The following PPP2R2C variants were observed in gnomAD, a reference collection of about 807,000 sequenced individuals.
The protein encoded by PPP2R2C is protein phosphatase 2 regulatory subunit Bgamma.
PPP2R2C carries 10 observed loss-of-function variants against 45.3 expected under a neutral mutation model. That is an observed-to-expected ratio of 0.22 (90% CI 0.14 to 0.37). The LOEUF is 0.37. Among genes scored for constraint, PPP2R2C ranks in the 10% least tolerant of loss-of-function variants. The pLI, the probability that PPP2R2C is intolerant of heterozygous loss-of-function variation, is 1.00. For missense variants in PPP2R2C, 308 were observed against 619.7 expected (o/e 0.50, Z 5.34); for synonymous variants, 257 against 245.4 (o/e 1.05, Z -0.44).
At chr4:6,457,525 C>T (rs1721108605) in intron 1 of PPP2R2C, among the ~76,000 whole-genome samples, 1 of 151,962 alleles carries the variant, frequency 6.6e-6, no homozygotes, top group South Asian at 2.1e-4. Flanking sequence ...GTACATGCCA[C>T]CATCCTTGGC....
intron 2 of PPP2R2C, among the ~76,000 whole-genome samples, chr4:6,525,322 T>C (rs1235482880): frequency 6.6e-6 from 1 of 152,110 alleles, no homozygotes; most frequent in Non-Finnish European, 1.5e-5. Context: ...GGAGAATCTC[T>C]TGAACCCAGG....
At chr4:6,427,326 T>C (rs1288789981) in intron 1 of PPP2R2C, among the ~76,000 whole-genome samples, 1 of 152,250 alleles carries the variant, frequency 6.6e-6, no homozygotes, top group Non-Finnish European at 1.5e-5. Flanking sequence ...TGGGAAATCC[T>C]GGCAGGACAG....
chr4:6,512,584 GTGATGGTGA>G (rs1723689448), intron 2 of PPP2R2C, among the ~76,000 whole-genome samples: 4 of 130,100 alleles, frequency 3.1e-5, no homozygotes, highest in Non-Finnish European at 4.9e-5. Flanking sequence ...GGTGATGGTG[GTGATGGTGA>G]TGGTGGTGGT....
intron 1 of PPP2R2C, among the ~76,000 whole-genome samples, chr4:6,431,386 C>A (rs960718048): frequency 6.6e-6 from 1 of 152,222 alleles, no homozygotes; most frequent in Non-Finnish European, 1.5e-5. Context: ...GCTCCCAGGA[C>A]AAAATCAGGG....
intron 1 of PPP2R2C, among the ~76,000 whole-genome samples, chr4:6,451,059 C>T (rs1006183868): frequency 5.9e-5 from 9 of 152,316 alleles, no homozygotes; most frequent in African/African-American, 9.6e-5. Flanking sequence ...CCCTCCTGGA[C>T]GTGCCACCAC....
intron 5 of PPP2R2C, among the ~76,000 whole-genome samples, chr4:6,363,574 A>G (rs1577109778): frequency 6.6e-6 from 1 of 151,886 alleles, no homozygotes; most frequent in East Asian, 1.9e-4. Context: ...GTGAGTCTCC[A>G]TCTCAAAAAA....
chr4:6,336,969 G>C (rs1560454347), intron 6 of PPP2R2C, among the ~76,000 whole-genome samples: 1 of 100,740 alleles, frequency 9.9e-6, no homozygotes, highest in Admixed American at 1.1e-4. Context: ...GAGGAGGATG[G>C]GTACGGTAGG....
At chr4:6,500,631 C>A (rs1424858810) in intron 2 of PPP2R2C, among the ~76,000 whole-genome samples, 1 of 152,228 alleles carries the variant, frequency 6.6e-6, no homozygotes, top group African/African-American at 2.4e-5. Context: ...AAAGAACCTG[C>A]TTTCATGGTT....
chr4:6,472,126 C>T (rs1335116188), intron 1 of PPP2R2C, 34 bp downstream of exon 1: 14 of 1,612,706 alleles, frequency 8.7e-6, no homozygotes, highest in African/African-American at 5.3e-5. Flanking sequence ...ACGCCGCGGC[C>T]GGCCGGAGGG....
At position 6,347,949 on chromosome 4, in the gene PPP2R2C, C is replaced by T; in HGVS notation, c.687G>A (p.Glu229=). The T allele has an allele frequency of 6.2e-7, 1 of 1,614,074 alleles. No individual in the cohort carries two copies. Among genetic ancestry groups the T allele is most frequent in the Non-Finnish European group, 8.5e-7 (1 of 1,180,008 alleles). Residue 229 remains glutamate (E), a synonymous_variant, in exon 6 of 9, where the codon GAG becomes GAA. Coordinates refer to ENST00000382599, the MANE Select transcript of PPP2R2C (RefSeq NM_020416.4). ...EDLTEVITAS[E]FHPHHCNLFV... ...AGAGGTTGCAGTGGTGCGGATGGAA[C>T]TCAGATGCTGTGATCACCTCCGTAA... is the stretch of plus-strand genomic sequence containing the variant.
In PPP2R2C at chr4:6,452,719, G is replaced by C. The variant is rs112830526; in HGVS notation, c.70+19441C>G. On this transcript the variant is annotated intron_variant, in intron 1 of 8. Coordinates refer to ENST00000382599, the MANE Select transcript of PPP2R2C (RefSeq NM_020416.4). The stretch of plus-strand genomic sequence containing the variant: ...GATGAGGGGGTCACCTGCTGAGCTG[G>C]TGCTATCCACAGGCTTATGTGGGGC... Among the ~76,000 whole-genome samples, 1,469 of 152,338 alleles carry C rather than the reference G, an allele frequency of 9.6e-3. 19 individuals carry two copies. Among genetic ancestry groups the C allele is most frequent in the African/African-American group, 0.033 (1,373 of 41,568 alleles).
chr4:6,397,798 C>T (rs1222408314), intron 1 of PPP2R2C, among the ~76,000 whole-genome samples: 14 of 152,092 alleles, frequency 9.2e-5, no homozygotes, highest in East Asian at 1.9e-4. Context: ...ATTAAATAAG[C>T]GAAAATATGT....
rs139842335 is a variant in PPP2R2C at position 6,495,971 on chromosome 4, G to A, written c.49+39300C>T. Among the ~76,000 whole-genome samples the A allele has an allele frequency of 7.2e-5, 11 of 152,174 alleles. No homozygotes were observed. In the South Asian group the frequency reaches 1.0e-3, roughly 14 times the overall value. On this transcript the variant is annotated intron_variant, in intron 2 of 9. Coordinates refer to the PPP2R2C transcript ENST00000506140. The stretch of plus-strand genomic sequence containing the variant: ...AGACTCTGTCCCAGGGCCCCCTCCC[G>A]GCTCTCCATGGCGGCACTCCTTGGT...
intron 2 of PPP2R2C, among the ~76,000 whole-genome samples, chr4:6,529,447 C>G (rs919236221): frequency 6.6e-6 from 1 of 152,238 alleles, no homozygotes; most frequent in Non-Finnish European, 1.5e-5. Context: ...GCATGGGCCC[C>G]ATGGAACGTA....
At chr4:6,516,365 G>A (rs1211040451) in intron 2 of PPP2R2C, among the ~76,000 whole-genome samples, 2 of 152,306 alleles carry the variant, frequency 1.3e-5, no homozygotes, top group East Asian at 1.9e-4. Flanking sequence ...ATTCCTGCCC[G>A]TTGCCTCGTC....
At chr4:6,421,557 G>C (rs1394566417) in intron 1 of PPP2R2C, among the ~76,000 whole-genome samples, 1 of 152,120 alleles carries the variant, frequency 6.6e-6, no homozygotes, top group Non-Finnish European at 1.5e-5. Flanking sequence ...CCAAAATGGC[G>C]GCCGTGAAAA....
Position 6,471,769 on chromosome 4 carries a change from G to A in PPP2R2C, c.70+391C>T, listed in dbSNP as rs917877115. ...TGCGGGCTTTGGGCAGGGCTGAAAT[G>A]GCAAATCCAGGATTTAAACCATTAA... On this transcript the variant is annotated intron_variant, in intron 1 of 8. Coordinates refer to ENST00000382599, the MANE Select transcript of PPP2R2C (RefSeq NM_020416.4). The surrounding 1 kb of genome is among the most constrained non-coding windows in gnomAD (Gnocchi z 5.6). 1 of 184,250 alleles carries A rather than the reference G, an allele frequency of 5.4e-6. No individual in the cohort carries two copies. Among genetic ancestry groups the A allele is most frequent in the African/African-American group, 2.3e-5 (1 of 42,594 alleles). 11.4% of individuals were successfully genotyped at this position (184,250 alleles called of 1,614,324 possible). A position where few individuals can be genotyped will look rare whatever the true frequency, so the allele number is the denominator to read the frequency against.
chr4:6,432,754 T>C (rs987082780), intron 1 of PPP2R2C, among the ~76,000 whole-genome samples: 1 of 152,176 alleles, frequency 6.6e-6, no homozygotes, highest in African/African-American at 2.4e-5. Flanking sequence ...CACTGCCAAA[T>C]AAGTTAGGAA....
intron 5 of PPP2R2C, among the ~76,000 whole-genome samples, chr4:6,351,963 G>A (rs562634654): frequency 6.6e-6 from 1 of 152,298 alleles, no homozygotes; most frequent in African/African-American, 2.4e-5. Flanking sequence ...GGCCCCTGTT[G>A]GTGCTCCCTC....
Sources: gnomAD v4.1 joint callset for allele counts (sites outside exome capture counted in the v4.1 genomes callset) on GRCh38, gnomAD v4.1.1 for gene constraint, Gnocchi (gnomAD v3.1) non-coding constraint, MANE v1.5 for transcripts, NCBI Gene and HGNC (gene_info 2026-07-23, HGNC 2026-07-21) for gene names.